The following SLC36A1 variants were observed in gnomAD, a reference collection of about 807,000 sequenced individuals.
SLC36A1 encodes the protein proton-coupled amino acid transporter 1.
Under a neutral mutation model 47.5 loss-of-function variants are expected in SLC36A1, and 30 were observed. That is an observed-to-expected ratio of 0.63 (90% CI 0.47 to 0.86). The LOEUF (loss-of-function observed/expected upper bound fraction) is 0.86. Ranked by LOEUF, SLC36A1 falls within the 40% of genes least tolerant of loss-of-function variation. The pLI is 0.00. For missense variants in SLC36A1, 517 were observed against 606.0 expected, an observed-to-expected ratio of 0.85 and a Z score of 1.54; for synonymous variants, 255 against 249.7, an observed-to-expected ratio of 1.02 and a Z score of -0.20.
At chr5:151,402,225 T>G in the SLC36A1 span, among the ~76,000 whole-genome samples, 2 of 152,246 alleles carry the variant, frequency 1.3e-5, no homozygotes, top group African/African-American at 4.8e-5. Flanking sequence ...CAAAAGCTTT[T>G]TCTGCATCAA....
chr5:151,346,288 G>A, the SLC36A1 span, among the ~76,000 whole-genome samples: 1 of 152,032 alleles, frequency 6.6e-6, no homozygotes, highest in African/African-American at 2.4e-5. Context: ...ACTAGCCCTG[G>A]GGCGACAGCA....
chr5:151,400,941 C>T, the SLC36A1 span, among the ~76,000 whole-genome samples: 1 of 151,914 alleles, frequency 6.6e-6, no homozygotes, highest in East Asian at 1.9e-4. Flanking sequence ...TTGGATGCAT[C>T]GTTTGTGAAT....
At chr5:151,392,116 C>G in the SLC36A1 span, among the ~76,000 whole-genome samples, 1 of 152,124 alleles carries the variant, frequency 6.6e-6, no homozygotes, top group Non-Finnish European at 1.5e-5. Context: ...CAAAATCTTC[C>G]TGGTTTAGTA....
chr5:151,465,139 C>A lies in SLC36A1; in HGVS notation c.389C>A (p.Ser130Tyr). ...VMYGLESSPC[S>Y]WLRNHAHWGR... is the part of the protein sequence containing the mutation. ...TATGGACTAGAATCCAGCCCCTGCTCCTGGCTCCGGAACCACGCACACTGG... is the reference window on the plus strand; with the variant it reads ...TATGGACTAGAATCCAGCCCCTGCTACTGGCTCCGGAACCACGCACACTGG... Residue 130 changes from serine (S) to tyrosine (Y), a missense_variant, in exon 5 of 11, where the codon TCC (serine) becomes TAC (tyrosine). By Grantham distance (144) the Ser-to-Tyr change is moderately radical (BLOSUM62 -2). Transcript: ENST00000243389. 1 of 1,614,182 alleles carries A rather than the reference C, an allele frequency of 6.2e-7. No homozygotes were observed. Among genetic ancestry groups the A allele is most frequent in the African/African-American group, 1.3e-5 (1 of 75,066 alleles).
the SLC36A1 span, among the ~76,000 whole-genome samples, chr5:151,517,965 C>T: frequency 6.6e-6 from 1 of 152,186 alleles, no homozygotes; most frequent in African/African-American, 2.4e-5. Flanking sequence ...TTCACCCTAC[C>T]TTTTGTTGAC....
chr5:151,361,654 G>GTACT, the SLC36A1 span, among the ~76,000 whole-genome samples: 2 of 152,118 alleles, frequency 1.3e-5, no homozygotes, highest in African/African-American at 4.8e-5. Flanking sequence ...GTTTGTCTGG[G>GTACT]TACTTACTTT....
chr5:151,492,604 C>T (rs1760209954), downstream of SLC36A1, among the ~76,000 whole-genome samples: 1 of 152,100 alleles, frequency 6.6e-6, no homozygotes, highest in Non-Finnish European at 1.5e-5. Context: ...TAAACCTCCT[C>T]CTGCTTCTCT....
chr5:151,382,299 C>A, the SLC36A1 span: 4 of 1,197,056 alleles, frequency 3.3e-6, no homozygotes, highest in South Asian at 3.7e-5. Flanking sequence ...TGCCCTCAAC[C>A]TGCACAGTCG....
chr5:151,368,490 C>G, the SLC36A1 span, among the ~76,000 whole-genome samples: 2 of 152,226 alleles, frequency 1.3e-5, no homozygotes, highest in African/African-American at 4.8e-5. Flanking sequence ...TGACTCCCTT[C>G]TGATCTCCTG....
At chr5:151,525,926 G>A in the SLC36A1 span, 2 of 1,614,198 alleles carry the variant, frequency 1.2e-6, no homozygotes, top group Non-Finnish European at 1.7e-6. Flanking sequence ...GGGTCACTCA[G>A]GATCAGCTGC....
At chr5:151,494,293 T>A (rs891366745), downstream of SLC36A1, among the ~76,000 whole-genome samples, 4 of 151,946 alleles carry the variant, frequency 2.6e-5, no homozygotes, top group Non-Finnish European at 5.9e-5. Flanking sequence ...TCTCCTTTTT[T>A]AAAAAAAATG....
the SLC36A1 span, among the ~76,000 whole-genome samples, chr5:151,359,261 A>G: frequency 1.3e-5 from 2 of 152,134 alleles, no homozygotes; most frequent in African/African-American, 4.8e-5. Context: ...AACATCCACA[A>G]ATGTTTTAGA....
the SLC36A1 span, chr5:151,420,025 A>G: frequency 3.9e-5 from 6 of 152,260 alleles, no homozygotes; most frequent in Admixed American, 3.9e-4. Context: ...GTTCAGAAGT[A>G]TAACATAGGG....
At chr5:151,478,965 G>T (rs745803075) in intron 9 of SLC36A1, among the ~76,000 whole-genome samples, 25 of 152,182 alleles carry the variant, frequency 1.6e-4, no homozygotes, top group Non-Finnish European at 3.4e-4. Flanking sequence ...TATATCATGG[G>T]GATAGTTTCA....
chr5:151,537,358 G>A, the SLC36A1 span, among the ~76,000 whole-genome samples: 1 of 143,042 alleles, frequency 7.0e-6, no homozygotes, highest in African/African-American at 2.6e-5. Context: ...GAAAAAAGAA[G>A]GAAGGAAGGA....
chr5:151,507,493 T>A, the SLC36A1 span: 1 of 1,614,076 alleles, frequency 6.2e-7, no homozygotes, highest in Non-Finnish European at 8.5e-7. Flanking sequence ...GTGCTTATGA[T>A]AATGAACGCC....
the SLC36A1 span, chr5:151,382,115 G>C: frequency 2.4e-6 from 2 of 839,658 alleles, no homozygotes; most frequent in Non-Finnish European, 4.1e-6. Flanking sequence ...ACATGGTGCT[G>C]ACAGAGCACG....
chr5:151,525,626 C>A, the SLC36A1 span: 4 of 837,694 alleles, frequency 4.8e-6, no homozygotes, highest in Non-Finnish European at 5.7e-6. Flanking sequence ...AGGCTTTAGT[C>A]CTGAGAAGGA....
chr5:151,461,828 G>T (rs1755560746), intron 2 of SLC36A1, among the ~76,000 whole-genome samples: 1 of 152,178 alleles, frequency 6.6e-6, no homozygotes, highest in South Asian at 2.1e-4. Context: ...AGACCCTTCA[G>T]TATAGGTCTT....
Sources: allele counts gnomAD v4.1 joint callset (sites outside exome capture counted in the v4.1 genomes callset), GRCh38; gene constraint gnomAD v4.1.1; transcripts MANE v1.5; gene names NCBI Gene and HGNC (gene_info 2026-07-23, HGNC 2026-07-21).